The following TRIO variants were observed in gnomAD, a reference collection of about 807,000 sequenced individuals.
TRIO encodes the protein trio Rho guanine nucleotide exchange factor.
Under a neutral mutation model 351.9 loss-of-function variants are expected in TRIO, and 58 were observed. The ratio of observed to expected loss-of-function variants is 0.16; its 90% CI spans 0.13 to 0.21. The LOEUF (loss-of-function observed/expected upper bound fraction) is 0.21, where lower values mean the gene tolerates loss of function less well. Ranked by LOEUF, TRIO falls within the 10% of genes least tolerant of loss-of-function variation. The pLI, the probability that TRIO is intolerant of heterozygous loss-of-function variation, is 1.00. For synonymous variants in TRIO, 1,758 were observed against 1,595.7 expected (o/e 1.10, Z -2.42); for missense variants, 3,201 against 4,027.8 (o/e 0.79, Z 5.56).
chr5:14,304,198 C>T (rs1229646985), intron 7 of TRIO, among the ~76,000 whole-genome samples: 10 of 152,110 alleles, frequency 6.6e-5, no homozygotes, highest in Admixed American at 6.5e-4. Flanking sequence ...TAGGGGCACA[C>T]CCAGACCTGG....
rs374553858 is a variant in TRIO, at chr5:14,378,240, A to C, written c.3447+113A>C. On this transcript the variant is annotated intron_variant, in intron 20 of 56. Coordinates refer to ENST00000344204, the MANE Select transcript of TRIO (RefSeq NM_007118.4). Reference sequence around the variant, plus strand: ...ATCTTGAAAACCACTTTCTAATGACAAACAGTATAGCCTTCTAGTTAAGTT... The same window carrying C: ...ATCTTGAAAACCACTTTCTAATGACCAACAGTATAGCCTTCTAGTTAAGTT... 6 of 743,584 alleles carry C rather than the reference A, an allele frequency of 8.1e-6. No individual in the cohort carries two copies. The African/African-American group carries it at 8.7e-5, about 11-fold the overall frequency. The allele number at this position is 743,584 out of a possible 1,614,324, so 46.1% of individuals were successfully genotyped here.
Position 14,508,015 on chromosome 5 carries a change from A to G in TRIO, c.8887A>G (p.Ile2963Val). Residue 2963 changes from isoleucine (I) to valine (V), a missense_variant, in exon 57 of 57, where the codon ATC becomes GTC. Coordinates refer to ENST00000344204, the MANE Select transcript of TRIO (RefSeq NM_007118.4). The part of the protein sequence containing the change: ...LGNPEFAAPE[I>V]ILGNPVSLTS... ...GAACCCTGAATTCGCAGCCCCTGAA[A>G]TCATCCTCGGGAACCCTGTCTCCCT... The G allele has an allele frequency of 1.9e-6, 3 of 1,614,184 alleles. No homozygotes were observed. The highest frequency in any genetic ancestry group is 2.5e-6 in the Non-Finnish European group (3 of 1,180,038).
intron 15 of TRIO, among the ~76,000 whole-genome samples, chr5:14,366,025 G>A (rs765561956): frequency 6.6e-6 from 1 of 152,204 alleles, no homozygotes; most frequent in Non-Finnish European, 1.5e-5. Context: ...GAGCTGAGAA[G>A]TGGTTTTATT....
At chr5:14,416,139 G>A (rs1749621937) in intron 33 of TRIO, among the ~76,000 whole-genome samples, 1 of 149,452 alleles carries the variant, frequency 6.7e-6, no homozygotes, top group Non-Finnish European at 1.5e-5. Flanking sequence ...TCAACTGAGG[G>A]TAGAAATTCT....
intron 1 of TRIO, among the ~76,000 whole-genome samples, chr5:14,262,432 C>A (rs1795404071): frequency 6.6e-6 from 1 of 151,926 alleles, no homozygotes. Context: ...AATGATGAAC[C>A]AATGAGGTTG....
intron 1 of TRIO, among the ~76,000 whole-genome samples, chr5:14,258,635 T>C (rs976325866): frequency 2.0e-5 from 3 of 152,128 alleles, no homozygotes; most frequent in South Asian, 2.1e-4. Context: ...TCTAAAGATA[T>C]GAAACTGCGG....
intron 6 of TRIO, among the ~76,000 whole-genome samples, chr5:14,296,370 G>A (rs1279986680): frequency 6.6e-6 from 1 of 152,174 alleles, no homozygotes; most frequent in Non-Finnish European, 1.5e-5. Context: ...AGGTGGAAAG[G>A]GAAACTCCAT....
intron 47 of TRIO, among the ~76,000 whole-genome samples, chr5:14,486,000 A>G (rs1483209525): frequency 2.6e-5 from 4 of 152,194 alleles, no homozygotes; most frequent in Non-Finnish European, 4.4e-5. Context: ...AAAAAAAAAA[A>G]AGAGACGGTT....
chr5:14,362,378 A>C (rs1401359377), intron 13 of TRIO, among the ~76,000 whole-genome samples: 2 of 152,208 alleles, frequency 1.3e-5, no homozygotes, highest in East Asian at 3.8e-4. Context: ...TCTTATTGTC[A>C]TCGACTCCCA....
intron 34 of TRIO, among the ~76,000 whole-genome samples, chr5:14,445,328 C>T (rs972855030): frequency 6.6e-6 from 1 of 152,136 alleles, no homozygotes; most frequent in African/African-American, 2.4e-5. Flanking sequence ...AAACCACATA[C>T]CCCCCGCCAA....
chr5:14,278,438 A>T (rs1735726015), intron 2 of TRIO, among the ~76,000 whole-genome samples: 1 of 152,208 alleles, frequency 6.6e-6, no homozygotes, highest in East Asian at 1.9e-4. Flanking sequence ...ATCATGCTGC[A>T]TTTCAAACAC....
chr5:14,478,604 C>T (rs890444612), intron 41 of TRIO, among the ~76,000 whole-genome samples: 53 of 151,972 alleles, frequency 3.5e-4, no homozygotes, highest in African/African-American at 2.9e-4. Flanking sequence ...ACCAGGCTTA[C>T]TAGGACTGTT....
intron 34 of TRIO, among the ~76,000 whole-genome samples, chr5:14,432,893 C>A (rs932932228): frequency 1.3e-5 from 2 of 152,212 alleles, no homozygotes; most frequent in African/African-American, 4.8e-5. Context: ...CCGCCACCAT[C>A]AACCCTGTGA....
rs1468086467 is a variant in TRIO, at chr5:14,388,691, T to G, written c.3948+12T>G. 16 of 1,437,766 alleles carry G rather than the reference T, an allele frequency of 1.1e-5. No individual in the cohort carries two copies. Among genetic ancestry groups the G allele is most frequent in the Non-Finnish European group, 1.3e-5 (14 of 1,054,604 alleles). The allele number at this position is 1,437,766 out of a possible 1,614,324, so 89.1% of individuals were successfully genotyped here. On this transcript the variant is annotated intron_variant, in intron 24 of 56. Transcript: ENST00000344204. ...GGGAATGTATGGATGTAAGTAAGTT[T>G]TTTTTTTTTTTTTTTGCTTGTTTAT...
chr5:14,502,171 G>A (rs556658272), intron 53 of TRIO, among the ~76,000 whole-genome samples: 8 of 152,240 alleles, frequency 5.3e-5, no homozygotes, highest in East Asian at 1.9e-4. Context: ...GAGGTGGTGC[G>A]GCCAGGTGAA....
At chr5:14,212,226 A>G (rs1174048664) in intron 1 of TRIO, among the ~76,000 whole-genome samples, 1 of 152,182 alleles carries the variant, frequency 6.6e-6, no homozygotes, top group African/African-American at 2.4e-5. Context: ...ATAGAATTAT[A>G]AACAGGTGGC....
chr5:14,271,785 A>G (rs1795989900), intron 2 of TRIO, among the ~76,000 whole-genome samples: 1 of 152,232 alleles, frequency 6.6e-6, no homozygotes, highest in Non-Finnish European at 1.5e-5. Flanking sequence ...AACACATATC[A>G]TTTTTAATAT....
chr5:14,251,079 G>A (rs75582372), intron 1 of TRIO, among the ~76,000 whole-genome samples: 1 of 152,120 alleles, frequency 6.6e-6, no homozygotes, highest in Non-Finnish European at 1.5e-5. Context: ...GGGGGTGTGA[G>A]CCCTCAGCCA....
At chr5:14,328,516 G>A (rs1036179204) in intron 9 of TRIO, among the ~76,000 whole-genome samples, 16 of 152,208 alleles carry the variant, frequency 1.1e-4, no homozygotes, top group Admixed American at 6.5e-4. Flanking sequence ...CGCTCAATAC[G>A]CCAGTTAAAA....
Sources: allele counts gnomAD v4.1 joint callset (sites outside exome capture counted in the v4.1 genomes callset), GRCh38; gene constraint gnomAD v4.1.1; transcripts MANE v1.5; gene names NCBI Gene and HGNC (gene_info 2026-07-23, HGNC 2026-07-21).